CLYBL: variants seen among roughly 807,000 people sequenced by gnomAD.
CLYBL encodes the protein citramalyl-CoA lyase.
CLYBL carries 31 observed loss-of-function variants against 38.9 expected under a neutral mutation model. The observed-to-expected ratio is 0.80, with a 90% CI of 0.60 to 1.08. CLYBL has a LOEUF of 1.08. Among genes scored for constraint, CLYBL ranks in the 50% least tolerant of loss-of-function variants. The probability of loss-of-function intolerance (pLI) is 0.00; values close to 1 mark genes in which losing one functional copy is unlikely to be tolerated. For synonymous variants in CLYBL, 171 were observed against 158.6 expected, an observed-to-expected ratio of 1.08 and a Z score of -0.59; for missense variants, 434 against 411.6, an observed-to-expected ratio of 1.05 and a Z score of -0.47.
At chr13:99,678,378 A>C (rs543416341) in intron 1 of CLYBL, among the ~76,000 whole-genome samples, 8 of 152,136 alleles carry the variant, frequency 5.3e-5, no homozygotes, top group Non-Finnish European at 8.8e-5. Context: ...GTTATCTCCT[A>C]AGTGTCACTT....
At chr13:99,671,275 T>C (rs1195927118) in intron 1 of CLYBL, among the ~76,000 whole-genome samples, 1 of 152,204 alleles carries the variant, frequency 6.6e-6, no homozygotes, top group Admixed American at 6.5e-5. Flanking sequence ...TCACAGTCTG[T>C]CAATTTTTGT....
chr13:99,622,032 C>T (rs1285220313), intron 1 of CLYBL, among the ~76,000 whole-genome samples: 1 of 152,110 alleles, frequency 6.6e-6, no homozygotes, highest in Non-Finnish European at 1.5e-5. Context: ...TAGAGGCTGC[C>T]CACATTCTTT....
chr13:99,827,030 A>G (rs910949629), intron 2 of CLYBL, among the ~76,000 whole-genome samples: 3 of 152,128 alleles, frequency 2.0e-5, no homozygotes, highest in Non-Finnish European at 4.4e-5. Context: ...TGTTTAAGTT[A>G]TTATTTTTAT....
intron 1 of CLYBL, among the ~76,000 whole-genome samples, chr13:99,665,495 C>G (rs1027299999): frequency 1.3e-5 from 2 of 151,770 alleles, no homozygotes; most frequent in Non-Finnish European, 2.9e-5. Flanking sequence ...TTTGCAAGAT[C>G]CAAAATCTTA....
At chr13:99,709,792 TC>T (rs2048199316) in intron 1 of CLYBL, among the ~76,000 whole-genome samples, 1 of 152,172 alleles carries the variant, frequency 6.6e-6, no homozygotes, top group Admixed American at 6.5e-5. Context: ...GTGAATTCTT[TC>T]AATAAATAGG....
chr13:99,607,303 CAAA>C (rs5806131), intron 1 of CLYBL, among the ~76,000 whole-genome samples: 3 of 151,214 alleles, frequency 2.0e-5, no homozygotes, highest in Non-Finnish European at 3.0e-5. Flanking sequence ...CATAACTTCT[CAAA>C]AAAAAAGTGA....
downstream of CLYBL, chr13:99,895,299 A>G (rs2152135035): frequency 6.6e-6 from 1 of 152,334 alleles, no homozygotes; most frequent in African/African-American, 2.4e-5. Flanking sequence ...TTTACCTTGG[A>G]AAACTGAATC....
At chr13:99,797,895 A>G (rs1257285189) in intron 2 of CLYBL, among the ~76,000 whole-genome samples, 2 of 152,190 alleles carry the variant, frequency 1.3e-5, no homozygotes, top group South Asian at 2.1e-4. Flanking sequence ...CAGCCCAGCA[A>G]TGGAGCCTGA....
intron 1 of CLYBL, among the ~76,000 whole-genome samples, chr13:99,677,034 T>C (rs180925949): frequency 1.1e-4 from 16 of 152,280 alleles, no homozygotes; most frequent in African/African-American, 3.4e-4. Flanking sequence ...CCCCTTTTTT[T>C]CCCAGGTCCT....
intron 1 of CLYBL, among the ~76,000 whole-genome samples, chr13:99,626,239 A>G (rs1011681751): frequency 6.6e-6 from 1 of 152,192 alleles, no homozygotes; most frequent in Admixed American, 6.5e-5. Flanking sequence ...CAGAGGGAAG[A>G]GTGTTCTTGG....
At chr13:99,791,959 GTA>G (rs2049926648) in intron 2 of CLYBL, among the ~76,000 whole-genome samples, 1 of 151,990 alleles carries the variant, frequency 6.6e-6, no homozygotes, top group South Asian at 2.1e-4. Flanking sequence ...CCCCTCAATG[GTA>G]GACAAAGAAA....
intron 1 of CLYBL, among the ~76,000 whole-genome samples, chr13:99,772,357 A>T (rs1036217996): frequency 6.6e-6 from 1 of 152,078 alleles, no homozygotes; most frequent in African/African-American, 2.4e-5. Context: ...CTCTGCTATT[A>T]TTGTTTTCTT....
chr13:99,866,096 A>T (rs1339179546), intron 5 of CLYBL, 144 bp from the exon 6 acceptor site: 4 of 801,420 alleles, frequency 5.0e-6, no homozygotes, highest in Non-Finnish European at 6.0e-6. Flanking sequence ...CCCTGTCTTC[A>T]TTTGTATTTC....
intron 1 of CLYBL, among the ~76,000 whole-genome samples, chr13:99,770,547 G>C (rs2049367015): frequency 6.6e-6 from 1 of 152,126 alleles, no homozygotes; most frequent in Admixed American, 6.5e-5. Flanking sequence ...TGGATCTCCT[G>C]ACCTCATGAT....
At chr13:99,821,349 GTGCC>G (rs2050584553) in intron 2 of CLYBL, among the ~76,000 whole-genome samples, 1 of 152,178 alleles carries the variant, frequency 6.6e-6, no homozygotes, top group Non-Finnish European at 1.5e-5. Context: ...GCACCTAACC[GTGCC>G]TGGCATTTAG....
intron 2 of CLYBL, among the ~76,000 whole-genome samples, chr13:99,775,744 C>T (rs998496770): frequency 6.6e-6 from 1 of 152,080 alleles, no homozygotes; most frequent in Admixed American, 6.5e-5. Context: ...CTTGGACTCA[C>T]GTGATCCTCC....
intron 1 of CLYBL, among the ~76,000 whole-genome samples, chr13:99,639,216 A>G (rs1247556648): frequency 6.6e-6 from 1 of 152,220 alleles, no homozygotes; most frequent in Non-Finnish European, 1.5e-5. Flanking sequence ...GTACTGTTAT[A>G]GATGCTGGGG....
chr13:99,643,085 C>T (rs1193368068), intron 1 of CLYBL: 1 of 153,344 alleles, frequency 6.5e-6, no homozygotes, highest in African/African-American at 2.4e-5. Context: ...TTAGAGTCTC[C>T]AGAGGCATCC....
chr13:99,703,503 G>T (rs2048100877), intron 1 of CLYBL, among the ~76,000 whole-genome samples: 1 of 152,058 alleles, frequency 6.6e-6, no homozygotes, highest in African/African-American at 2.4e-5. Context: ...CCAAGTAGCT[G>T]GGACTATAGG....
Sources: allele counts gnomAD v4.1 joint callset (sites outside exome capture counted in the v4.1 genomes callset), GRCh38; gene constraint gnomAD v4.1.1; transcripts MANE v1.5; gene names NCBI Gene and HGNC (gene_info 2026-07-23, HGNC 2026-07-21).